The following BCAR1 variants were observed in gnomAD, a reference collection of about 807,000 sequenced individuals.
BCAR1 encodes the protein BCAR1 scaffold protein, Cas family member.
BCAR1 carries 30 observed loss-of-function variants against 67.6 expected under a neutral mutation model. That is an observed-to-expected ratio of 0.44 (90% CI 0.33 to 0.60). BCAR1 has a LOEUF of 0.60. Ranked by LOEUF, BCAR1 falls within the 20% of genes least tolerant of loss-of-function variation. The pLI is 0.02. For missense variants in BCAR1, 1,313 were observed against 1,222.3 expected, an observed-to-expected ratio of 1.07 and a Z score of -1.11; for synonymous variants, 626 against 556.7, an observed-to-expected ratio of 1.12 and a Z score of -1.75.
chr16:75,230,271 A>G (rs1021669374), intron 6 of BCAR1, among the ~76,000 whole-genome samples: 4 of 152,096 alleles, frequency 2.6e-5, no homozygotes, highest in African/African-American at 4.8e-5. Flanking sequence ...AACATTTTTG[A>G]AATGACAAGA....
At position 75,245,479 on chromosome 16, in the gene BCAR1, G is replaced by C. The variant is rs1181028449; in HGVS notation, c.13-2389C>G. Among the ~76,000 whole-genome samples, 6 of 152,106 alleles carry C rather than the reference G, an allele frequency of 3.9e-5. No individual in the cohort carries two copies. The East Asian group carries it at 1.2e-3, about 29-fold the overall frequency. On this transcript the variant is annotated intron_variant, in intron 1 of 6. Transcript: ENST00000162330. ...GGCCAGGCACTCAGAGAGGCTGAGGGAGCACAGGCAGGGAGGCCGGGGGCT... is the reference window on the plus strand; with the variant it reads ...GGCCAGGCACTCAGAGAGGCTGAGGCAGCACAGGCAGGGAGGCCGGGGGCT...
At chr16:75,257,023 A>T (rs1432266374) in intron 1 of BCAR1, among the ~76,000 whole-genome samples, 1 of 151,384 alleles carries the variant, frequency 6.6e-6, no homozygotes, top group Non-Finnish European at 1.5e-5. Flanking sequence ...GGGGAGGGGG[A>T]AGAGAGGGGC....
Position 75,242,838 on chromosome 16 carries a change from G to A in BCAR1, c.265C>T (p.Leu89Phe). ...PATPAQPQPG[L>F]HAPAPPASQY... ...GAGGCCGGAGGCGCTGGGGCATGGA[G>A]GCCAGGCTGAGGCTGGGCCGGGGTG... Residue 89 changes from leucine to phenylalanine, a missense_variant, in exon 2 of 7, where the codon CTC (leucine) becomes TTC (phenylalanine). This residue lies in a region of BCAR1 where 1,272 missense variants were observed against 1,137.5 expected (regional missense o/e 1.12). Coordinates refer to ENST00000162330, the MANE Select transcript of BCAR1 (RefSeq NM_014567.5). 1.2e-6 allele frequency: 2 copies of A among 1,607,916 alleles called. No individual in the cohort carries two copies. The highest frequency in any genetic ancestry group is 1.7e-6 in the Non-Finnish European group (2 of 1,178,136).
chr16:75,241,983 C>T (rs1335543848), intron 2 of BCAR1, among the ~76,000 whole-genome samples: 1 of 152,190 alleles, frequency 6.6e-6, no homozygotes, highest in Non-Finnish European at 1.5e-5. Flanking sequence ...GATCACCATA[C>T]GCACCCGCTG....
chr16:75,234,706 A>G (rs1421269462), intron 5 of BCAR1, among the ~76,000 whole-genome samples, 183 bp downstream of exon 5: 1 of 152,234 alleles, frequency 6.6e-6, no homozygotes, highest in Non-Finnish European at 1.5e-5. Context: ...GAGGGACTCA[A>G]CGAAGGGCTC....
At position 75,239,446 on chromosome 16, in the gene BCAR1, C is replaced by CG. The variant is rs374217342; in HGVS notation, c.634-2103dup. Among the ~76,000 whole-genome samples the CG allele has an allele frequency of 2.9e-3, 448 of 152,274 alleles. 2 individuals carry two copies. The highest frequency in any genetic ancestry group is 9.7e-3 in the African/African-American group (401 of 41,554). On this transcript the variant is annotated intron_variant, in intron 2 of 6. Coordinates refer to ENST00000162330, the MANE Select transcript of BCAR1 (RefSeq NM_014567.5). Reference sequence around the variant, plus strand: ...TCCTCCCCTACTATCAGGCATCAAGCGGGGGGACAAGCGAACTCAGGAATA... The same window carrying CG: ...TCCTCCCCTACTATCAGGCATCAAGCGGGGGGGACAAGCGAACTCAGGAATA...
intron 1 of BCAR1, among the ~76,000 whole-genome samples, chr16:75,258,751 C>A (rs188944537): frequency 6.6e-6 from 1 of 152,270 alleles, no homozygotes; most frequent in African/African-American, 2.4e-5. Context: ...AGTGTGGCCG[C>A]AGGAGCACAC....
chr16:75,252,526 G>A, upstream of BCAR1: 1 of 985,932 alleles, frequency 1.0e-6, no homozygotes, highest in Non-Finnish European at 1.4e-6. Context: ...AGCAGAACCA[G>A]GGTGCCAGAG....
intron 2 of BCAR1, among the ~76,000 whole-genome samples, chr16:75,241,428 C>T (rs927440450): frequency 1.3e-5 from 2 of 152,086 alleles, no homozygotes; most frequent in African/African-American, 4.8e-5. Flanking sequence ...CTGAGGCTCC[C>T]CTACAGGACA....
At chr16:75,257,224 C>A (rs908381933) in intron 1 of BCAR1, among the ~76,000 whole-genome samples, 6 of 152,176 alleles carry the variant, frequency 3.9e-5, no homozygotes, top group Non-Finnish European at 8.8e-5. Context: ...GGCAACCAAC[C>A]CCAGTGTACT....
At chr16:75,254,161 C>T (rs1689275300), upstream of BCAR1, among the ~76,000 whole-genome samples, 2 of 152,280 alleles carry the variant, frequency 1.3e-5, no homozygotes, top group Admixed American at 1.3e-4. Context: ...CCCCATCCCA[C>T]ACATTTCGGG....
chr16:75,235,899 C>T lies in BCAR1; in HGVS notation c.1000G>A (p.Ala334Thr), dbSNP rs1483808706. Residue 334 changes from alanine to threonine, a missense_variant, in exon 5 of 7, where the codon GCC becomes ACC. Around this residue, in one of 2 missense-constraint regions of BCAR1, gnomAD observed 1,272 missense variants for 1,137.5 expected, o/e 1.12. Coordinates refer to ENST00000162330, the MANE Select transcript of BCAR1 (RefSeq NM_014567.5). ...GCCGGGTCAAAGGGCTTGGCCTTGG[C>T]GAAGGCGGGGGGCACATCGTAGGTC... is the stretch of plus-strand genomic sequence containing the variant. The part of the protein sequence containing the change: ...EETYDVPPAF[A>T]KAKPFDPART... 1.3e-5 allele frequency: 20 copies of T among 1,563,030 alleles called. No homozygotes were observed. Among genetic ancestry groups the T allele is most frequent in the East Asian group, 1.2e-4 (5 of 42,260 alleles).
Position 75,235,504 on chromosome 16 carries a change from C to G in BCAR1, c.1395G>C (p.Arg465=). The change falls in exon 5 of 7, where the codon CGG becomes CGC. Residue 465 remains arginine (R), a synonymous_variant. Transcript: ENST00000162330. ...ELEVAVEALA[R]LQQGVSATVA... ...CGGTGGCGCTCACACCCTGCTGCAG[C>G]CGTGCCAGGGCCTCCACAGCAACTT... The G allele has an allele frequency of 6.3e-7, 1 of 1,597,864 alleles. No homozygotes were observed. The highest frequency in any genetic ancestry group is 8.5e-7 in the Non-Finnish European group (1 of 1,173,314).
chr16:75,263,911 C>T, intron 1 of BCAR1: 4 of 1,066,572 alleles, frequency 3.8e-6, no homozygotes, highest in Admixed American at 5.3e-5. Flanking sequence ...CTTGGCCCCA[C>T]CACCTCACAC....
chr16:75,253,969 A>AT (rs2077729578), upstream of BCAR1, among the ~76,000 whole-genome samples: 2 of 101,340 alleles, frequency 2.0e-5, no homozygotes, highest in Non-Finnish European at 3.8e-5. Context: ...CGTTAGCCCC[A>AT]ATTTTTTTTT....
At chr16:75,255,851 C>T (rs541445830), upstream of BCAR1, among the ~76,000 whole-genome samples, 10 of 152,020 alleles carry the variant, frequency 6.6e-5, no homozygotes, top group Non-Finnish European at 1.5e-4. Flanking sequence ...ATTAGCCGGG[C>T]GTGGTGGCAC....
intron 5 of BCAR1, 100 bp downstream of exon 5, chr16:75,234,789 C>T: frequency 2.0e-6 from 3 of 1,482,394 alleles, no homozygotes; most frequent in Non-Finnish European, 2.7e-6. Flanking sequence ...GGGTGCAGGG[C>T]CTTGCCAGGG....
intron 6 of BCAR1, among the ~76,000 whole-genome samples, chr16:75,233,447 T>G (rs1309641772): frequency 1.3e-5 from 2 of 151,770 alleles, no homozygotes; most frequent in South Asian, 2.1e-4. Context: ...TTTGAAAGAA[T>G]CCACAAGAAT....
Position 75,233,947 on chromosome 16 carries a change from A to T in BCAR1, c.2011-12T>A. 1 of 1,594,842 alleles carries T rather than the reference A, an allele frequency of 6.3e-7. No homozygotes were observed. The highest frequency in any genetic ancestry group is 2.3e-5 in the East Asian group (1 of 44,356). ...AACTCCTCCTTCCCCTGGAGGGCAGAGACAGGGGCTGCGCTGAGGCCAGTT... is the reference window on the plus strand; with the variant it reads ...AACTCCTCCTTCCCCTGGAGGGCAGTGACAGGGGCTGCGCTGAGGCCAGTT... On this transcript the variant is annotated splice_polypyrimidine_tract_variant and intron_variant, in intron 5 of 6. Coordinates refer to ENST00000162330, the MANE Select transcript of BCAR1 (RefSeq NM_014567.5).
Sources: allele counts gnomAD v4.1 joint callset (sites outside exome capture counted in the v4.1 genomes callset), GRCh38; gene constraint gnomAD v4.1.1; regional missense constraint gnomAD v4.1.1; transcripts MANE v1.5; gene names NCBI Gene and HGNC (gene_info 2026-07-23, HGNC 2026-07-21).